The following FTCD variants were observed in gnomAD, a reference collection of about 807,000 sequenced individuals.
The protein encoded by FTCD is formimidoyltransferase-cyclodeaminase.
In FTCD, 76 loss-of-function variants were observed where a neutral mutation model predicts 62.9. The ratio of observed to expected loss-of-function variants is 1.21; its 90% CI spans 1.00 to 1.46. The LOEUF is 1.46. Among genes scored for constraint, FTCD ranks in the 40% most tolerant of loss-of-function variants. FTCD has a pLI of 0.00. For synonymous variants in FTCD, 397 were observed against 336.9 expected (o/e 1.18, Z -1.95); for missense variants, 845 against 751.3 (o/e 1.12, Z -1.46).
At chr21:46,152,016 A>C in intron 3 of FTCD, 36 bp from the exon 4 acceptor site, 1 of 1,448,054 alleles carries the variant, frequency 6.9e-7, no homozygotes, top group Non-Finnish European at 9.5e-7. Flanking sequence ...CTGGACCGGC[A>C]GGGGGTCCAG....
At chr21:46,141,537 C>T (rs2079006162) in intron 10 of FTCD, among the ~76,000 whole-genome samples, 1 of 152,060 alleles carries the variant, frequency 6.6e-6, no homozygotes, top group East Asian at 1.9e-4. Flanking sequence ...TAGAAAAGAT[C>T]ATCTTGTTCT....
At chr21:46,145,688 C>A (rs1433353981) in intron 9 of FTCD, 110 bp from the exon 10 acceptor site, 7 of 848,254 alleles carry the variant, frequency 8.3e-6, no homozygotes, top group Non-Finnish European at 1.2e-5. Context: ...CCCGTGTGGC[C>A]CCCACGTCTC....
chr21:46,139,106 G>T, intron 10 of FTCD, 183 bp from the exon 11 acceptor site: 3 of 628,300 alleles, frequency 4.8e-6, no homozygotes, highest in Non-Finnish European at 8.7e-6. Flanking sequence ...GAGGAGCAGG[G>T]TAGGGGGGGT....
chr21:46,137,096 G>A (rs1208575995), intron 13 of FTCD, 23 bp from the exon 14 acceptor site: 15 of 1,613,482 alleles, frequency 9.3e-6, no homozygotes, highest in Middle Eastern at 1.6e-4. Flanking sequence ...GGGAAAGAGG[G>A]GTCTGGTAGT....
chr21:46,137,592 T>C (rs1242854135), intron 12 of FTCD, among the ~76,000 whole-genome samples: 2 of 148,062 alleles, frequency 1.4e-5, no homozygotes, highest in Non-Finnish European at 3.0e-5. Context: ...TCCGCCACTC[T>C]AGGAACCAGG....
chr21:46,145,783 AACTGCGCCTCCCCTGC>A lies in FTCD; in HGVS notation c.1098+19_1098+34del. 1 of 346,460 alleles carries A rather than the reference AACTGCGCCTCCCCTGC, an allele frequency of 2.9e-6. No individual in the cohort carries two copies. The highest frequency in any genetic ancestry group is 4.6e-6 in the Non-Finnish European group (1 of 218,938). 21.5% of individuals were successfully genotyped at this position (346,460 alleles called of 1,614,324 possible). ...TCCCCCTCCCCGCCCTCCCCCCAAC[AACTGCGCCTCCCCTGC>A]CCCTCCCCCCGCGCTCACCATGGCC... On this transcript the variant is annotated intron_variant, in intron 9 of 13. Coordinates refer to ENST00000397746, the MANE Select transcript of FTCD (RefSeq NM_206965.2).
rs530416222 is a variant in FTCD, at chr21:46,150,326, G to A, written c.774+62C>T. On this transcript the variant is annotated intron_variant, in intron 6 of 13. Coordinates refer to ENST00000397746, the MANE Select transcript of FTCD (RefSeq NM_206965.2). ...CCTGGCTGGAGGATGTGGGGCCCCC[G>A]CCCTGCCCACGGGACAGATCGGCTC... 1.7e-5 allele frequency: 28 copies of A among 1,610,510 alleles called. No individual in the cohort carries two copies. In the African/African-American group the frequency reaches 2.8e-4, roughly 16 times the overall value.
chr21:46,146,459 G>A (rs1020313450), intron 7 of FTCD, 132 bp from the exon 8 acceptor site: 1 of 697,302 alleles, frequency 1.4e-6, no homozygotes, highest in Non-Finnish European at 2.6e-6. Flanking sequence ...GCGGGGAGCA[G>A]GGCAGGGGCG....
rs1325552001 is a variant in FTCD at position 46,153,037 on chromosome 21, T to C, written c.239-2A>G. The C allele has an allele frequency of 1.9e-6, 3 of 1,547,830 alleles. No homozygotes were observed. Among genetic ancestry groups the C allele is most frequent in the Non-Finnish European group, 2.6e-6 (3 of 1,146,350 alleles). ...GGGCCCCCATGCGGGGGTGCTCTCC[T>C]GCAGAGAGACGGCGAGGCCGGGCAG... On this transcript the variant is annotated splice_acceptor_variant, in intron 2 of 13. Coordinates refer to ENST00000397746, the MANE Select transcript of FTCD (RefSeq NM_206965.2). LOFTEE classifies it high-confidence loss of function.
chr21:46,137,337 G>C lies in FTCD; in HGVS notation c.1444-3C>G. The C allele has an allele frequency of 6.2e-7, 1 of 1,610,386 alleles. No individual in the cohort carries two copies. Among genetic ancestry groups the C allele is most frequent in the Admixed American group, 1.7e-5 (1 of 60,026 alleles). ...ATCTCCAGGGCTTTGGCCGCCACCT[G>C]CAAGGACCCCAGGGAGCCCCTACAT... On this transcript the variant is annotated splice_region_variant and splice_polypyrimidine_tract_variant and intron_variant, in intron 12 of 13. Coordinates refer to ENST00000397746, the MANE Select transcript of FTCD (RefSeq NM_206965.2).
intron 10 of FTCD, among the ~76,000 whole-genome samples, chr21:46,143,825 G>A (rs1048233238): frequency 6.6e-6 from 1 of 152,172 alleles, no homozygotes; most frequent in African/African-American, 2.4e-5. Flanking sequence ...CTCCAGGGGA[G>A]TTTGAAGAAG....
chr21:46,140,135 AG>A (rs2078962774), intron 10 of FTCD, among the ~76,000 whole-genome samples: 1 of 152,244 alleles, frequency 6.6e-6, no homozygotes, highest in Non-Finnish European at 1.5e-5. Context: ...CATTGCTCAG[AG>A]GGAGCATAAA....
chr21:46,146,105 C>T (rs2079141439), intron 8 of FTCD, among the ~76,000 whole-genome samples, 158 bp from the exon 9 acceptor site: 1 of 152,004 alleles, frequency 6.6e-6, no homozygotes, highest in Non-Finnish European at 1.5e-5. Flanking sequence ...CTGTGCCCCC[C>T]TCAGCCCCCA....
chr21:46,151,880 G>A lies in FTCD; in HGVS notation c.456+12C>T, dbSNP rs540236944. ...CCTCCTTCCCAGGCCCGACCGCCCG[G>A]GGTGGGGGCACCTTCTTAGGGAGGG... On this transcript the variant is annotated intron_variant, in intron 4 of 13. Coordinates refer to ENST00000397746, the MANE Select transcript of FTCD (RefSeq NM_206965.2). The A allele has an allele frequency of 1.1e-4, 177 of 1,557,044 alleles. 2 individuals are homozygous for A. In the South Asian group the frequency reaches 2.0e-3, roughly 17 times the overall value.
At chr21:46,150,346 C>G (rs759300088) in intron 6 of FTCD, 42 bp downstream of exon 6, 1 of 1,607,276 alleles carries the variant, frequency 6.2e-7, no homozygotes, top group East Asian at 2.2e-5. Context: ...CGGGACAGAT[C>G]GGCTCGCCCC....
At chr21:46,153,985 AC>A (rs1188441249) in intron 2 of FTCD, among the ~76,000 whole-genome samples, 163 bp downstream of exon 2, 1 of 151,308 alleles carries the variant, frequency 6.6e-6, no homozygotes, top group East Asian at 2.0e-4. Flanking sequence ...GGGGGCCATG[AC>A]CCCCACACTC....
At position 46,150,167 on chromosome 21, in the gene FTCD, G is replaced by C; in HGVS notation, c.858C>G (p.Cys286Trp). 6.2e-7 allele frequency: 1 copy of C among 1,609,956 alleles called. No individual in the cohort carries two copies. Among genetic ancestry groups the C allele is most frequent in the Non-Finnish European group, 8.5e-7 (1 of 1,178,702 alleles). Residue 286 changes from cysteine to tryptophan, a missense_variant, in exon 7 of 14, where the codon TGC becomes TGG. Physicochemically the swap from Cys to Trp is radical, Grantham distance 215 (BLOSUM62 -2). Coordinates refer to ENST00000397746, the MANE Select transcript of FTCD (RefSeq NM_206965.2). Reference sequence around the variant, plus strand: ...CCAGGATGAAGAGGTTCTCCTTCTCGCAGTAGAAGGCGGCCGCATCCAGCA... The same window carrying C: ...CCAGGATGAAGAGGTTCTCCTTCTCCCAGTAGAAGGCGGCCGCATCCAGCA... ...KALLDAAAFY[C>W]EKENLFILEE...
At position 46,154,216 on chromosome 21, in the gene FTCD, G is replaced by A. The variant is rs139986036; in HGVS notation, c.171C>T (p.Cys57=). ...CAGCGTTGAGGGCCCCCTCCACCAC[G>A]CACTCCGGCGGCCCCACGAAGGTGT... ...TVYTFVGPPE[C]VVEGALNAAR... is the part of the protein sequence containing the mutation. The change falls in exon 2 of 14, where the codon TGC becomes TGT. Residue 57 remains cysteine (C), a synonymous_variant. Transcript: ENST00000397746. 141 of 1,612,848 alleles carry A rather than the reference G, an allele frequency of 8.7e-5. No individual in the cohort carries two copies. In the African/African-American group the frequency reaches 1.4e-3, roughly 16 times the overall value.
intron 10 of FTCD, 82 bp downstream of exon 10, chr21:46,145,335 G>A: frequency 8.4e-7 from 1 of 1,194,594 alleles, no homozygotes; most frequent in African/African-American, 1.5e-5. Context: ...CCAGCCGGAG[G>A]CTGACCCGCT....
Sources: allele counts gnomAD v4.1 joint callset (sites outside exome capture counted in the v4.1 genomes callset), GRCh38; gene constraint gnomAD v4.1.1; transcripts MANE v1.5; gene names NCBI Gene and HGNC (gene_info 2026-07-23, HGNC 2026-07-21).